Variants in ZNF93 observed in about 807,000 individuals in gnomAD.
ZNF93 encodes the protein zinc finger protein 93, also known as zinc finger protein 505.
ZNF93 carries 29 observed loss-of-function variants against 45.0 expected under a neutral mutation model. That is an observed-to-expected ratio of 0.64 (90% CI 0.48 to 0.88). ZNF93 has a LOEUF of 0.88. Ranked by LOEUF, ZNF93 falls within the 40% of genes least tolerant of loss-of-function variation. ZNF93 has a pLI of 0.00. For synonymous variants in ZNF93, 223 were observed against 244.6 expected, an observed-to-expected ratio of 0.91 and a Z score of 0.82; for missense variants, 578 against 724.0, an observed-to-expected ratio of 0.80 and a Z score of 2.31.
At chr19:19,922,129 A>G (rs1193357026) in intron 3 of ZNF93, among the ~76,000 whole-genome samples, 20 of 152,120 alleles carry the variant, frequency 1.3e-4, no homozygotes, top group South Asian at 2.1e-4. Context: ...GCTCTTGTAG[A>G]GCAGGCCTGG....
Position 19,934,858 on chromosome 19 carries a change from C to T in ZNF93, c.*40C>T. The T allele has an allele frequency of 6.4e-7, 1 of 1,564,032 alleles. No homozygotes were observed. Among genetic ancestry groups the T allele is most frequent in the Admixed American group, 1.9e-5 (1 of 54,028 alleles). On this transcript the variant is annotated 3_prime_UTR_variant, in exon 4 of 4. Coordinates refer to ENST00000343769, the MANE Select transcript of ZNF93 (RefSeq NM_031218.4). ...TGGCAAAGCCTTCAAGTGGTCCTCA[C>T]ACCTTACTATACACTGAGAGTTCTG... is the stretch of plus-strand genomic sequence containing the variant.
rs74619428 is a variant in ZNF93, at chr19:19,911,645, A to G, written c.4-3635A>G. 7.6e-3 allele frequency among the ~76,000 whole-genome samples: 1,162 copies of G among 152,338 alleles called. 80 individuals are homozygous for G. In the East Asian group the frequency reaches 0.18, roughly 23 times the overall value. ...GTGTGCATCATATGGTTGGTATAAT[A>G]AATAGATGTGTTAAAAATCTTGGGC... On this transcript the variant is annotated intron_variant, in intron 1 of 3. Transcript: ENST00000343769.
rs1223570769 is a variant in ZNF93 at position 19,934,402 on chromosome 19, T to C, written c.1447T>C (p.Cys483Arg). Residue 483 changes from cysteine (C) to arginine (R), a missense_variant, in exon 4 of 4, where the codon TGT becomes CGT. By Grantham distance (180) the Cys-to-Arg change is radical. Around this residue, in one of 3 missense-constraint regions of ZNF93, gnomAD observed 13 missense variants for 53.3 expected, o/e 0.24. Coordinates refer to ENST00000343769, the MANE Select transcript of ZNF93 (RefSeq NM_031218.4). ...KIHTGEKPYK[C>R]EECGKAFNQS... ...TCATACTGGAGAGAAACCCTACAAA[T>C]GTGAAGAATGTGGCAAAGCTTTTAA... 1.2e-6 allele frequency: 2 copies of C among 1,613,526 alleles called. No homozygotes were observed. Among genetic ancestry groups the C allele is most frequent in the Non-Finnish European group, 1.7e-6 (2 of 1,179,966 alleles).
Position 19,925,915 on chromosome 19 carries a change from G to T in ZNF93, c.227-7267G>T, listed in dbSNP as rs186317447. On this transcript the variant is annotated intron_variant, in intron 3 of 3. Coordinates refer to ENST00000343769, the MANE Select transcript of ZNF93 (RefSeq NM_031218.4). The stretch of plus-strand genomic sequence containing the variant: ...ATATTTAAAACAAAAGTAACTCTAG[G>T]TTCTTTTAAATGCTAATTTATTAAG... Among the ~76,000 whole-genome samples, 41 of 151,966 alleles carry T rather than the reference G, an allele frequency of 2.7e-4. No individual in the cohort carries two copies. The East Asian group carries it at 5.6e-3, about 21-fold the overall frequency.
In ZNF93 at chr19:19,930,561, G is replaced by C. The variant is rs532800559; in HGVS notation, c.227-2621G>C. 4.3e-4 allele frequency among the ~76,000 whole-genome samples: 60 copies of C among 140,440 alleles called. 1 individual carries two copies. The highest frequency in any genetic ancestry group is 1.3e-3 in the African/African-American group (48 of 38,216). 92.1% of individuals were successfully genotyped at this position (140,440 alleles called of 152,430 possible). A position where few individuals can be genotyped will look rare whatever the true frequency, so the allele number is the denominator to read the frequency against. On this transcript the variant is annotated intron_variant, in intron 3 of 3. Coordinates refer to ENST00000343769, the MANE Select transcript of ZNF93 (RefSeq NM_031218.4). ...TAGACCGCGGTCTGCTAGGCAACGG[G>C]CGTCTTCCCAGACGCTGGCATTACT... is the stretch of plus-strand genomic sequence containing the variant.
intron 1 of ZNF93, among the ~76,000 whole-genome samples, chr19:19,904,157 A>T (rs943696272): frequency 6.7e-6 from 1 of 149,396 alleles, no homozygotes; most frequent in South Asian, 2.1e-4. Context: ...AAATGTGCAG[A>T]GTGTGTGTCT....
At chr19:19,921,603 C>T (rs1030764347) in intron 3 of ZNF93, among the ~76,000 whole-genome samples, 1 of 152,134 alleles carries the variant, frequency 6.6e-6, no homozygotes, top group African/African-American at 2.4e-5. Context: ...TCTCTAAGGA[C>T]TTGCTTTATG....
At chr19:19,918,018 G>A (rs2063329876) in intron 3 of ZNF93, among the ~76,000 whole-genome samples, 1 of 150,674 alleles carries the variant, frequency 6.6e-6, no homozygotes, top group South Asian at 2.1e-4. Flanking sequence ...TGTTACACAT[G>A]TATACATGTG....
chr19:19,909,536 G>A (rs2063302015), intron 1 of ZNF93: 1 of 152,196 alleles, frequency 6.6e-6, no homozygotes, highest in Admixed American at 6.5e-5. Flanking sequence ...ATATGACATG[G>A]TGCTGAAAAT....
intron 3 of ZNF93, among the ~76,000 whole-genome samples, chr19:19,916,944 A>G (rs572896316): frequency 3.9e-5 from 6 of 152,288 alleles, no homozygotes; most frequent in African/African-American, 1.2e-4. Flanking sequence ...AGATTATACA[A>G]TCTGGCTGCT....
intron 3 of ZNF93, among the ~76,000 whole-genome samples, chr19:19,918,036 G>A (rs2063330011): frequency 6.6e-6 from 1 of 150,714 alleles, no homozygotes; most frequent in African/African-American, 2.4e-5. Context: ...GTGCCATGTT[G>A]GTGTGCTGCA....
intron 3 of ZNF93, among the ~76,000 whole-genome samples, chr19:19,923,335 T>G (rs2063346952): frequency 6.6e-6 from 1 of 152,172 alleles, no homozygotes. Flanking sequence ...GTGTGAGGTG[T>G]CAATCTGCTC....
At chr19:19,927,586 T>C (rs1599572694) in intron 3 of ZNF93, among the ~76,000 whole-genome samples, 1 of 152,216 alleles carries the variant, frequency 6.6e-6, no homozygotes, top group Non-Finnish European at 1.5e-5. Flanking sequence ...ATAATTTTGT[T>C]ACTGGATTAA....
At chr19:19,928,672 C>T (rs1425172457) in intron 3 of ZNF93, among the ~76,000 whole-genome samples, 1 of 152,178 alleles carries the variant, frequency 6.6e-6, no homozygotes, top group Non-Finnish European at 1.5e-5. Context: ...GGACTGTAGA[C>T]ATGCACTACC....
intron 3 of ZNF93, among the ~76,000 whole-genome samples, chr19:19,926,559 C>T (rs1341075004): frequency 6.6e-6 from 1 of 150,800 alleles, no homozygotes; most frequent in Non-Finnish European, 1.5e-5. Context: ...TCTTGCCTCA[C>T]TGCAACCTCT....
rs1377343411 is a variant in ZNF93, at chr19:19,922,727, A to C, written c.226+6072A>C. Among the ~76,000 whole-genome samples, 5 of 152,336 alleles carry C rather than the reference A, an allele frequency of 3.3e-5. No homozygotes were observed. The South Asian group carries it at 1.0e-3, about 32-fold the overall frequency. ...TGACACCCTTTCTTCCAGTTGATCA[A>C]ATCAGCTACTGATGCTTATGCATTT... On this transcript the variant is annotated intron_variant, in intron 3 of 3. Transcript: ENST00000343769.
At chr19:19,920,916 AAG>A (rs1363244980) in intron 3 of ZNF93, among the ~76,000 whole-genome samples, 1 of 152,086 alleles carries the variant, frequency 6.6e-6, no homozygotes, top group Admixed American at 6.5e-5. Context: ...TGATTTTTTG[AAG>A]AGTTTTTTGT....
intron 1 of ZNF93, among the ~76,000 whole-genome samples, chr19:19,910,357 A>G (rs1341845979): frequency 6.6e-6 from 1 of 152,224 alleles, no homozygotes; most frequent in East Asian, 1.9e-4. Flanking sequence ...TATTGCCACA[A>G]GTAATTATAA....
chr19:19,903,584 G>T (rs2063283210), intron 1 of ZNF93, among the ~76,000 whole-genome samples: 1 of 151,964 alleles, frequency 6.6e-6, no homozygotes, highest in Non-Finnish European at 1.5e-5. Context: ...TGGCCAACGT[G>T]GTGAAACTCC....
Sources: gnomAD v4.1 joint callset for allele counts (sites outside exome capture counted in the v4.1 genomes callset) on GRCh38, gnomAD v4.1.1 for gene constraint, gnomAD v4.1.1 regional missense constraint, MANE v1.5 for transcripts, NCBI Gene and HGNC (gene_info 2026-07-23, HGNC 2026-07-21) for gene names.